The following NCOA1 variants were observed in gnomAD, a reference collection of about 807,000 sequenced individuals.
The protein encoded by NCOA1 is nuclear receptor coactivator 1.
NCOA1 carries 35 observed loss-of-function variants against 150.9 expected under a neutral mutation model. The ratio of observed to expected loss-of-function variants is 0.23; its 90% CI spans 0.18 to 0.31. The LOEUF is 0.31. NCOA1 is among the 10% of genes least tolerant of loss of function. NCOA1 has a pLI of 1.00. For missense variants in NCOA1, 1,491 were observed against 1,749.3 expected (o/e 0.85, Z 2.63); for synonymous variants, 590 against 630.0 (o/e 0.94, Z 0.95).
At chr2:24,694,964 G>C (rs1255852807) in intron 10 of NCOA1, among the ~76,000 whole-genome samples, 1 of 152,006 alleles carries the variant, frequency 6.6e-6, no homozygotes, top group Non-Finnish European at 1.5e-5. Flanking sequence ...TGAGATAGCA[G>C]AATGAAAACA....
intron 3 of NCOA1, among the ~76,000 whole-genome samples, chr2:24,620,982 G>GA (rs1225196846): frequency 6.6e-6 from 1 of 152,122 alleles, no homozygotes; most frequent in Non-Finnish European, 1.5e-5. Context: ...CAGGATATTT[G>GA]AAAAGAAATG....
chr2:24,728,321 T>C lies in NCOA1; in HGVS notation c.2731T>C (p.Ser911Pro). Residue 911 changes from serine (S) to proline (P), a missense_variant, in exon 16 of 23, where the codon TCA (serine) becomes CCA (proline). By Grantham distance (74) the Ser-to-Pro change is moderately conservative (BLOSUM62 -1). This residue lies in a region of NCOA1 where 703 missense variants were observed against 717.7 expected (regional missense o/e 0.98). Coordinates refer to ENST00000348332, the MANE Select transcript of NCOA1 (RefSeq NM_003743.5). Reference sequence around the variant, plus strand: ...TTAATCCTGCAGCCAGTGTATTAGCTCACAATTAGATGAGCTTCTCTGTCC... The same window carrying C: ...TTAATCCTGCAGCCAGTGTATTAGCCCACAATTAGATGAGCTTCTCTGTCC... ...QSKSEDQCIS[S>P]QLDELLCPPT... The C allele has an allele frequency of 6.2e-7, 1 of 1,610,786 alleles. No homozygotes were observed. Among genetic ancestry groups the C allele is most frequent in the Non-Finnish European group, 8.5e-7 (1 of 1,178,842 alleles).
intron 1 of NCOA1, among the ~76,000 whole-genome samples, chr2:24,557,560 C>CT (rs904876502): frequency 6.6e-6 from 1 of 151,718 alleles, no homozygotes; most frequent in African/African-American, 2.4e-5. Context: ...TCCCTTCCCC[C>CT]TTTTTTGGTA....
intron 1 of NCOA1, among the ~76,000 whole-genome samples, chr2:24,550,481 A>T (rs2148220066): frequency 6.6e-6 from 1 of 152,296 alleles, no homozygotes; most frequent in South Asian, 2.1e-4. Flanking sequence ...TAGTGCTGGG[A>T]AACTCCCCCT....
At chr2:24,657,587 GAC>G (rs1413861623) in intron 4 of NCOA1, among the ~76,000 whole-genome samples, 1 of 152,130 alleles carries the variant, frequency 6.6e-6, no homozygotes, top group African/African-American at 2.4e-5. Flanking sequence ...CAAAAAATAT[GAC>G]AGTCATTAAT....
At chr2:24,700,142 G>A (rs943956397) in intron 11 of NCOA1, among the ~76,000 whole-genome samples, 5 of 113,698 alleles carry the variant, frequency 4.4e-5, no homozygotes, top group East Asian at 2.1e-4. Context: ...AAACTTCATC[G>A]CTAATAATAA....
chr2:24,741,640 C>T, intron 18 of NCOA1, 144 bp from the exon 19 acceptor site: 4 of 852,118 alleles, frequency 4.7e-6, no homozygotes, highest in Non-Finnish European at 6.9e-6. Flanking sequence ...GGTTTTTGTT[C>T]CTTTTCTGTT....
intron 2 of NCOA1, among the ~76,000 whole-genome samples, chr2:24,581,011 C>G (rs1219652975): frequency 6.6e-6 from 1 of 152,196 alleles, no homozygotes; most frequent in Non-Finnish European, 1.5e-5. Context: ...CTCTACTTTG[C>G]CTCTCTTGAC....
rs117489134 is a variant in NCOA1, at chr2:24,501,298, A to T, written c.-396+9696A>T. 0.013 allele frequency among the ~76,000 whole-genome samples: 1,911 copies of T among 152,322 alleles called. 118 individuals are homozygous for T. The East Asian group carries it at 0.17, about 13-fold the overall frequency. ...ACCATTAAAACCAAATAAAATAGTT[A>T]TATCTCATAAAAATGAACCGAATAT... On this transcript the variant is annotated intron_variant, in intron 1 of 22. Transcript: ENST00000348332.
chr2:24,767,102 G>A (rs1029448274), intron 22 of NCOA1, among the ~76,000 whole-genome samples: 1 of 152,148 alleles, frequency 6.6e-6, no homozygotes, highest in African/African-American at 2.4e-5. Flanking sequence ...GGACAGACTG[G>A]TGTCCAAATT....
chr2:24,522,038 A>G (rs944072604), intron 1 of NCOA1, among the ~76,000 whole-genome samples: 5 of 152,066 alleles, frequency 3.3e-5, no homozygotes, highest in African/African-American at 4.8e-5. Flanking sequence ...ATATAATTAT[A>G]TATTTTATTG....
At chr2:24,521,998 C>G (rs897277230) in intron 1 of NCOA1, among the ~76,000 whole-genome samples, 1 of 152,062 alleles carries the variant, frequency 6.6e-6, no homozygotes, top group Non-Finnish European at 1.5e-5. Context: ...ATTCTCCCCG[C>G]CCCCCATACA....
chr2:24,592,578 ATTTTTTTTTT>A (rs145333073), intron 3 of NCOA1, among the ~76,000 whole-genome samples: 187 of 103,470 alleles, frequency 1.8e-3, no homozygotes, highest in African/African-American at 6.1e-3. Context: ...TCCCCTCCTA[ATTTTTTTTTT>A]TTTTTTTTTT....
At chr2:24,630,125 G>A (rs904347758) in intron 3 of NCOA1, among the ~76,000 whole-genome samples, 4 of 152,024 alleles carry the variant, frequency 2.6e-5, no homozygotes, top group East Asian at 1.9e-4. Flanking sequence ...GATTACAGGC[G>A]CGAGCCACCG....
chr2:24,747,137 A>G (rs960214647), intron 19 of NCOA1, among the ~76,000 whole-genome samples: 1 of 152,050 alleles, frequency 6.6e-6, no homozygotes, highest in Non-Finnish European at 1.5e-5. Context: ...CAAAAAAGTC[A>G]TCTTCTAAGG....
intron 8 of NCOA1, among the ~76,000 whole-genome samples, chr2:24,687,912 C>T (rs1345435895): frequency 2.0e-5 from 3 of 152,194 alleles, no homozygotes; most frequent in African/African-American, 7.2e-5. Flanking sequence ...TGCCAGCCTC[C>T]ACCCTCAATT....
At position 24,768,768 on chromosome 2, in the gene NCOA1, C is replaced by T; in HGVS notation, c.*377C>T. 4.4e-6 allele frequency: 1 copy of T among 227,516 alleles called. No individual in the cohort carries two copies. The highest frequency in any genetic ancestry group is 8.7e-6 in the Non-Finnish European group (1 of 114,428). The allele number at this position is 227,516 out of a possible 1,614,324, so 14.1% of individuals were successfully genotyped here. ...AGAAGAAGATGAAGCTCCGCCTCCGCCGCTTAGTCCCAACCCTGCCCAGGA... is the reference window on the plus strand; with the variant it reads ...AGAAGAAGATGAAGCTCCGCCTCCGTCGCTTAGTCCCAACCCTGCCCAGGA... On this transcript the variant is annotated 3_prime_UTR_variant, in exon 23 of 23. Coordinates refer to ENST00000348332, the MANE Select transcript of NCOA1 (RefSeq NM_003743.5).
chr2:24,724,911 T>G (rs186124447), intron 14 of NCOA1, among the ~76,000 whole-genome samples: 64 of 152,256 alleles, frequency 4.2e-4, no homozygotes, highest in Non-Finnish European at 5.9e-4. Context: ...TCCCTTTTTT[T>G]TTGTTGTTTT....
chr2:24,611,675 CCTT>C (rs1351891905), intron 3 of NCOA1, among the ~76,000 whole-genome samples: 2 of 151,972 alleles, frequency 1.3e-5, no homozygotes, highest in African/African-American at 4.8e-5. Flanking sequence ...AATGTAATGT[CCTT>C]CTTTGTTCTT....
Sources: allele counts gnomAD v4.1 joint callset (sites outside exome capture counted in the v4.1 genomes callset), GRCh38; gene constraint gnomAD v4.1.1; regional missense constraint gnomAD v4.1.1; transcripts MANE v1.5; gene names NCBI Gene and HGNC (gene_info 2026-07-23, HGNC 2026-07-21).